RALGAPA1: variants seen among roughly 807,000 people sequenced by gnomAD.
RALGAPA1 encodes ral GTPase-activating protein subunit alpha-1.
RALGAPA1 carries 52 observed loss-of-function variants against 269.6 expected under a neutral mutation model. The ratio of observed to expected loss-of-function variants is 0.19; its 90% CI spans 0.15 to 0.24. The LOEUF (loss-of-function observed/expected upper bound fraction) is 0.24. Among genes scored for constraint, RALGAPA1 ranks in the 10% least tolerant of loss-of-function variants. RALGAPA1 has a pLI of 1.00. For synonymous variants in RALGAPA1, 817 were observed against 1,008.3 expected (o/e 0.81, Z 3.60); for missense variants, 1,917 against 3,013.9 (o/e 0.64, Z 8.52).
chr14:35,632,541 T>G (rs897629530), intron 33 of RALGAPA1, among the ~76,000 whole-genome samples: 3 of 152,188 alleles, frequency 2.0e-5, no homozygotes, highest in Non-Finnish European at 4.4e-5. Flanking sequence ...GGCAAATGCT[T>G]TAAATATTAG....
At chr14:35,791,217 C>T (rs147781042) in intron 1 of RALGAPA1, among the ~76,000 whole-genome samples, 1 of 152,258 alleles carries the variant, frequency 6.6e-6, no homozygotes, top group African/African-American at 2.4e-5. Context: ...TGGGAGAATC[C>T]ATCACTTATT....
chr14:35,786,453 C>A (rs1437619739), intron 1 of RALGAPA1, among the ~76,000 whole-genome samples: 1 of 151,854 alleles, frequency 6.6e-6, no homozygotes, highest in Non-Finnish European at 1.5e-5. Flanking sequence ...CGAGACCATC[C>A]CGGCTAACCC....
intron 35 of RALGAPA1, among the ~76,000 whole-genome samples, chr14:35,616,916 A>G (rs535525693): frequency 2.0e-5 from 3 of 152,250 alleles, no homozygotes; most frequent in Admixed American, 6.5e-5. Flanking sequence ...TAGTACCAAG[A>G]TATATTGTTA....
intron 35 of RALGAPA1, among the ~76,000 whole-genome samples, chr14:35,609,291 G>T (rs2059781082): frequency 1.3e-5 from 2 of 151,492 alleles, no homozygotes; most frequent in Non-Finnish European, 2.9e-5. Flanking sequence ...TTGAAATCAT[G>T]CAAGGTATAT....
intron 26 of RALGAPA1, among the ~76,000 whole-genome samples, chr14:35,667,646 A>T (rs1052613274): frequency 6.6e-6 from 1 of 152,200 alleles, no homozygotes; most frequent in African/African-American, 2.4e-5. Flanking sequence ...TGTGCAGATC[A>T]CACTTTGGGT....
intron 1 of RALGAPA1, among the ~76,000 whole-genome samples, chr14:35,801,244 GAC>G (rs201700521): frequency 0.021 from 2,769 of 134,768 alleles, 31 homozygotes; most frequent in Middle Eastern, 0.031. Context: ...TATATACACA[GAC>G]ACACACACAC....
chr14:35,621,275 T>C (rs978252411), intron 35 of RALGAPA1, among the ~76,000 whole-genome samples: 9 of 152,304 alleles, frequency 5.9e-5, no homozygotes, highest in Admixed American at 3.9e-4. Flanking sequence ...GGATTCCCTA[T>C]TTAATAAATG....
At chr14:35,779,939 T>C (rs930128746) in intron 1 of RALGAPA1, among the ~76,000 whole-genome samples, 3 of 152,020 alleles carry the variant, frequency 2.0e-5, no homozygotes, top group African/African-American at 4.8e-5. Flanking sequence ...CTGGCCAACA[T>C]GGTGAAACCC....
At chr14:35,677,596 C>T (rs2065057422) in intron 22 of RALGAPA1, 1 of 196,036 alleles carries the variant, frequency 5.1e-6, no homozygotes, top group African/African-American at 2.4e-5. Context: ...TTACTACGTT[C>T]TCCTGTGAGT....
intron 16 of RALGAPA1, among the ~76,000 whole-genome samples, chr14:35,706,330 T>C (rs1188844442): frequency 6.6e-6 from 1 of 152,202 alleles, no homozygotes; most frequent in Non-Finnish European, 1.5e-5. Context: ...GGTGTCTAGA[T>C]TCATCTTTTT....
At chr14:35,556,251 A>G (rs757495701) in intron 39 of RALGAPA1, among the ~76,000 whole-genome samples, 1 of 152,210 alleles carries the variant, frequency 6.6e-6, no homozygotes, top group Non-Finnish European at 1.5e-5. Flanking sequence ...GTAGTAAAGT[A>G]GCAAATTTTC....
rs576211970 is a variant in RALGAPA1, at chr14:35,596,979, T to C, written c.7054-1190A>G. Among the ~76,000 whole-genome samples, 9 of 152,278 alleles carry C rather than the reference T, an allele frequency of 5.9e-5. No homozygotes were observed. The South Asian group carries it at 1.7e-3, about 28-fold the overall frequency. On this transcript the variant is annotated intron_variant, in intron 36 of 41. Transcript: ENST00000680220. ...AATATACCTTGAAAAACACTCCTTA[T>C]TAGTAAGTAAAGAGATTCCTCATTT...
At chr14:35,617,766 AAGAAAATAATGAAAC>A (rs1439258037) in intron 35 of RALGAPA1, among the ~76,000 whole-genome samples, 10 of 152,268 alleles carry the variant, frequency 6.6e-5, no homozygotes, top group Middle Eastern at 3.4e-3. Context: ...CTTTATAAAA[AAGAAAATAATGAAAC>A]AGAAAATAAT....
At chr14:35,747,107 A>G (rs2072190042) in intron 10 of RALGAPA1, among the ~76,000 whole-genome samples, 1 of 152,054 alleles carries the variant, frequency 6.6e-6, no homozygotes, top group Admixed American at 6.6e-5. Flanking sequence ...TGAGGCCAGG[A>G]GTTCAAGACC....
At position 35,756,940 on chromosome 14, in the gene RALGAPA1, A is replaced by T. The variant is rs771558296; in HGVS notation, c.548-32T>A. 2.7e-6 allele frequency: 4 copies of T among 1,493,500 alleles called. No individual in the cohort carries two copies. The Admixed American group carries it at 8.7e-5, about 33-fold the overall frequency. The allele number at this position is 1,493,500 out of a possible 1,614,324, so 92.5% of individuals were successfully genotyped here. A position where few individuals can be genotyped will look rare whatever the true frequency, so the allele number is the denominator to read the frequency against. On this transcript the variant is annotated intron_variant, in intron 6 of 41. Transcript: ENST00000680220. ...AAAGACAAAAGAATAGTATATAGTT[A>T]CAAAACAAATTTAATAAAACAATAA...
At chr14:35,697,231 G>A (rs1231804909) in intron 17 of RALGAPA1, among the ~76,000 whole-genome samples, 5 of 152,106 alleles carry the variant, frequency 3.3e-5, no homozygotes, top group Non-Finnish European at 7.4e-5. Context: ...TTTCATATTG[G>A]TTCTCTCTGG....
intron 1 of RALGAPA1, among the ~76,000 whole-genome samples, chr14:35,792,926 G>C (rs1204932774): frequency 2.7e-5 from 4 of 146,306 alleles, no homozygotes; most frequent in Non-Finnish European, 6.0e-5. Context: ...CAACTAGTAA[G>C]CTGCTGCAAA....
intron 26 of RALGAPA1, among the ~76,000 whole-genome samples, chr14:35,665,612 T>C (rs1031120808): frequency 7.9e-5 from 12 of 152,218 alleles, no homozygotes; most frequent in African/African-American, 2.7e-4. Flanking sequence ...CTCTATTATA[T>C]GATTTTCAAC....
intron 1 of RALGAPA1, among the ~76,000 whole-genome samples, chr14:35,784,955 G>C (rs1193975142): frequency 2.0e-5 from 3 of 152,102 alleles, no homozygotes; most frequent in Non-Finnish European, 4.4e-5. Context: ...GGCTGAAGTG[G>C]GAGGATAGCT....
Sources: allele counts gnomAD v4.1 joint callset (sites outside exome capture counted in the v4.1 genomes callset), GRCh38; gene constraint gnomAD v4.1.1; transcripts MANE v1.5; gene names NCBI Gene and HGNC (gene_info 2026-07-23, HGNC 2026-07-21).